The following SPAG16 variants were observed in gnomAD, a reference collection of about 807,000 sequenced individuals.
SPAG16 encodes the protein sperm associated antigen 16.
SPAG16 carries 86 observed loss-of-function variants against 80.4 expected under a neutral mutation model. The observed-to-expected ratio is 1.07, with a 90% confidence interval of 0.90 to 1.28. The LOEUF (loss-of-function observed/expected upper bound fraction) is 1.28. Ranked by LOEUF, SPAG16 falls within the 50% of genes most tolerant of loss-of-function variation. The probability of loss-of-function intolerance (pLI) is 0.00; values close to 1 mark genes in which losing one functional copy is unlikely to be tolerated. For synonymous variants in SPAG16, 294 were observed against 265.9 expected (o/e 1.11, Z -1.03); for missense variants, 870 against 765.3 (o/e 1.14, Z -1.61).
At chr2:213,918,739 G>A (rs939787782) in intron 11 of SPAG16, among the ~76,000 whole-genome samples, 1 of 152,106 alleles carries the variant, frequency 6.6e-6, no homozygotes, top group African/African-American at 2.4e-5. Flanking sequence ...CCAGTCTCAA[G>A]TATGTCTTTA....
chr2:214,015,928 C>T (rs1025320516), intron 13 of SPAG16, among the ~76,000 whole-genome samples: 4 of 151,978 alleles, frequency 2.6e-5, no homozygotes, highest in Non-Finnish European at 2.9e-5. Flanking sequence ...TAGGAAACAG[C>T]GTAGATGAAA....
chr2:214,372,359 C>T (rs1211765106), intron 15 of SPAG16, among the ~76,000 whole-genome samples: 2 of 152,116 alleles, frequency 1.3e-5, no homozygotes. Flanking sequence ...AGAAACAAGT[C>T]TCTATCATTT....
At chr2:213,971,967 G>A (rs2045089001) in intron 12 of SPAG16, among the ~76,000 whole-genome samples, 1 of 151,058 alleles carries the variant, frequency 6.6e-6, no homozygotes. Context: ...GTTTTTGTGG[G>A]TGCATAGCCA....
At chr2:213,921,515 G>A (rs1013520168) in intron 11 of SPAG16, among the ~76,000 whole-genome samples, 51 of 152,216 alleles carry the variant, frequency 3.4e-4, no homozygotes, top group African/African-American at 1.2e-3. Flanking sequence ...TTAATTGGGG[G>A]ATTAAGCTGT....
intron 9 of SPAG16, among the ~76,000 whole-genome samples, chr2:213,455,432 C>A (rs542686296): frequency 6.6e-6 from 1 of 152,242 alleles, no homozygotes. Flanking sequence ...AATCTTGAAA[C>A]AAGCCAGGCA....
chr2:213,406,195 AG>A (rs1272581958), intron 9 of SPAG16, among the ~76,000 whole-genome samples: 1 of 152,204 alleles, frequency 6.6e-6, no homozygotes, highest in Non-Finnish European at 1.5e-5. Flanking sequence ...GGAGCTTTGT[AG>A]TAGAAGAAAT....
At chr2:213,572,901 G>T (rs1465294104) in intron 10 of SPAG16, among the ~76,000 whole-genome samples, 1 of 152,200 alleles carries the variant, frequency 6.6e-6, no homozygotes, top group African/African-American at 2.4e-5. Flanking sequence ...CTCCGTGGGC[G>T]TAGGACCCTC....
At chr2:213,702,418 C>T (rs986007318) in intron 10 of SPAG16, among the ~76,000 whole-genome samples, 2 of 152,150 alleles carry the variant, frequency 1.3e-5, no homozygotes, top group Non-Finnish European at 2.9e-5. Flanking sequence ...AGCTGTAACA[C>T]TCACCGCGAA....
chr2:213,341,522 CTTTG>C (rs1471553249), intron 6 of SPAG16, among the ~76,000 whole-genome samples: 1 of 151,608 alleles, frequency 6.6e-6, no homozygotes, highest in Admixed American at 6.6e-5. Flanking sequence ...TACAGTATTT[CTTTG>C]TTTGTTGTTT....
At chr2:214,024,085 CCAAT>C (rs1220572563) in intron 13 of SPAG16, among the ~76,000 whole-genome samples, 1 of 151,286 alleles carries the variant, frequency 6.6e-6, no homozygotes, top group African/African-American at 2.4e-5. Flanking sequence ...AGTAAAATTC[CCAAT>C]CAATTATTTA....
At chr2:213,358,230 G>A (rs1051813310) in intron 7 of SPAG16, among the ~76,000 whole-genome samples, 1 of 152,104 alleles carries the variant, frequency 6.6e-6, no homozygotes, top group African/African-American at 2.4e-5. Flanking sequence ...TGACGATTAT[G>A]TGTCTTAGGG....
At chr2:213,848,320 A>T (rs2074730261) in intron 10 of SPAG16, among the ~76,000 whole-genome samples, 1 of 152,210 alleles carries the variant, frequency 6.6e-6, no homozygotes, top group South Asian at 2.1e-4. Context: ...TGTCAGCAGA[A>T]TTTAAGATGC....
At chr2:214,043,938 G>A (rs2049173137) in intron 13 of SPAG16, among the ~76,000 whole-genome samples, 1 of 151,884 alleles carries the variant, frequency 6.6e-6, no homozygotes, top group Non-Finnish European at 1.5e-5. Context: ...TATTATTGTA[G>A]TAAATCAAAG....
At chr2:213,731,974 C>A (rs535005414) in intron 10 of SPAG16, among the ~76,000 whole-genome samples, 1 of 152,206 alleles carries the variant, frequency 6.6e-6, no homozygotes, top group East Asian at 1.9e-4. Flanking sequence ...ATGTTTTTGT[C>A]ATGAAATCTT....
chr2:214,055,488 G>A (rs913915719), intron 13 of SPAG16, among the ~76,000 whole-genome samples: 3 of 151,972 alleles, frequency 2.0e-5, no homozygotes, highest in Non-Finnish European at 2.9e-5. Context: ...AAAATGAAAC[G>A]CATGCCTATG....
chr2:213,844,405 A>G (rs1386538526), intron 10 of SPAG16, among the ~76,000 whole-genome samples: 2 of 152,242 alleles, frequency 1.3e-5, no homozygotes, highest in Admixed American at 1.3e-4. Flanking sequence ...GATTTCGGTT[A>G]TCTAGCAGAC....
intron 15 of SPAG16, among the ~76,000 whole-genome samples, chr2:214,409,278 T>C (rs1249760174): frequency 6.6e-6 from 1 of 152,020 alleles, no homozygotes; most frequent in East Asian, 1.9e-4. Context: ...CTAAGTATGA[T>C]TAAATAATCC....
chr2:213,911,671 C>CA (rs1319650355), intron 11 of SPAG16, among the ~76,000 whole-genome samples: 1 of 151,816 alleles, frequency 6.6e-6, no homozygotes, highest in East Asian at 1.9e-4. Flanking sequence ...GACTTAGTGA[C>CA]AAACAAAAGG....
At chr2:213,903,994 C>T (rs985768027) in intron 11 of SPAG16, among the ~76,000 whole-genome samples, 44 of 152,158 alleles carry the variant, frequency 2.9e-4, no homozygotes, top group Non-Finnish European at 5.9e-5. Context: ...ACAAGTTCCT[C>T]ATCTCCACCT....
Sources: gnomAD v4.1 joint callset for allele counts (sites outside exome capture counted in the v4.1 genomes callset) on GRCh38, gnomAD v4.1.1 for gene constraint, MANE v1.5 for transcripts, NCBI Gene and HGNC (gene_info 2026-07-23, HGNC 2026-07-21) for gene names.